EIF4ENIF1: variants seen among roughly 807,000 people sequenced by gnomAD.
The protein encoded by EIF4ENIF1 is eukaryotic translation initiation factor 4E transporter.
A neutral mutation model predicts 110.5 loss-of-function variants in EIF4ENIF1; 23 were observed. The ratio of observed to expected loss-of-function variants is 0.21; its 90% CI spans 0.15 to 0.29. The LOEUF (loss-of-function observed/expected upper bound fraction) is 0.29. Ranked by LOEUF, EIF4ENIF1 falls within the 10% of genes least tolerant of loss-of-function variation. The probability of loss-of-function intolerance (pLI) is 1.00; values close to 1 mark genes in which losing one functional copy is unlikely to be tolerated. For synonymous variants in EIF4ENIF1, 440 were observed against 437.0 expected (o/e 1.01, Z -0.09); for missense variants, 1,031 against 1,221.1 (o/e 0.84, Z 2.32).
At chr22:31,479,024 C>T (rs888416177) in intron 2 of EIF4ENIF1, among the ~76,000 whole-genome samples, 3 of 140,886 alleles carry the variant, frequency 2.1e-5, no homozygotes, top group Admixed American at 7.2e-5. Flanking sequence ...AGTTTAGTGC[C>T]ACACATAGAC....
chr22:31,444,483 T>A, intron 15 of EIF4ENIF1, 123 bp downstream of exon 15: 1 of 904,412 alleles, frequency 1.1e-6, no homozygotes, highest in Non-Finnish European at 1.8e-6. Flanking sequence ...TATGAAAAAC[T>A]ACTAGGTCAG....
At chr22:31,464,454 T>C (rs2051103448) in intron 4 of EIF4ENIF1, among the ~76,000 whole-genome samples, 1 of 151,130 alleles carries the variant, frequency 6.6e-6, no homozygotes, top group African/African-American at 2.4e-5. Flanking sequence ...TCAAGGCAGG[T>C]GGATCACGAG....
At chr22:31,490,552 ATGT>A (rs1201594851), upstream of EIF4ENIF1, among the ~76,000 whole-genome samples, 5 of 152,270 alleles carry the variant, frequency 3.3e-5, no homozygotes, top group African/African-American at 1.2e-4. Flanking sequence ...ATTCATTGAA[ATGT>A]TGTTTCCCTC....
At chr22:31,492,225 C>G (rs1214638461), upstream of EIF4ENIF1, among the ~76,000 whole-genome samples, 17 of 152,334 alleles carry the variant, frequency 1.1e-4, 2 homozygotes, top group East Asian at 2.1e-3. Context: ...GCTGTATTGC[C>G]TTTCCTAACC....
intron 2 of EIF4ENIF1, chr22:31,479,429 G>A (rs1601644730): frequency 6.6e-6 from 1 of 152,110 alleles, no homozygotes; most frequent in East Asian, 1.9e-4. Flanking sequence ...CTTGCGCAGG[G>A]GCCATGCTAA....
At chr22:31,492,242 T>TG (rs781331031), upstream of EIF4ENIF1, among the ~76,000 whole-genome samples, 202 of 152,318 alleles carry the variant, frequency 1.3e-3, no homozygotes, top group Middle Eastern at 3.4e-3. Context: ...AACCTAGCCC[T>TG]GGAATCAGTT....
chr22:31,446,684 G>A (rs948773963), intron 14 of EIF4ENIF1, among the ~76,000 whole-genome samples: 23 of 152,202 alleles, frequency 1.5e-4, no homozygotes, highest in Non-Finnish European at 2.6e-4. Context: ...GAGTTCTGAG[G>A]AGGAAAAGGG....
chr22:31,468,439 G>A (rs1037313027), intron 3 of EIF4ENIF1, 137 bp from the exon 4 acceptor site: 6 of 1,250,148 alleles, frequency 4.8e-6, no homozygotes, highest in Non-Finnish European at 6.6e-6. Context: ...CTGTCGCCCA[G>A]GATGGAGCGC....
In EIF4ENIF1 at chr22:31,444,603, G is replaced by T; in HGVS notation, c.2073+3C>A. On this transcript the variant is annotated splice_donor_region_variant and intron_variant, in intron 15 of 18. Coordinates refer to ENST00000330125, the MANE Select transcript of EIF4ENIF1 (RefSeq NM_019843.4). ...TCCTTCACAGTTACTAAAGGTCACT[G>T]ACCATGCTTGTGATGGAGGCAGCAG... 1 of 1,613,838 alleles carries T rather than the reference G, an allele frequency of 6.2e-7. No homozygotes were observed. The highest frequency in any genetic ancestry group is 1.1e-5 in the South Asian group (1 of 91,034).
intron 2 of EIF4ENIF1, among the ~76,000 whole-genome samples, chr22:31,474,443 G>C (rs2051498430): frequency 6.6e-6 from 1 of 151,634 alleles, no homozygotes; most frequent in Admixed American, 6.6e-5. Flanking sequence ...TTTGCCAGTG[G>C]GTGCCTCTTC....
intron 8 of EIF4ENIF1, 28 bp from the exon 9 acceptor site, chr22:31,455,343 A>C: frequency 6.7e-7 from 1 of 1,486,966 alleles, no homozygotes; most frequent in Non-Finnish European, 9.0e-7. Context: ...CATACTCAAA[A>C]TTAATCTGTT....
In EIF4ENIF1 at chr22:31,439,956, G is replaced by A; in HGVS notation, c.2882C>T (p.Ser961Leu). 1 of 1,614,140 alleles carries A rather than the reference G, an allele frequency of 6.2e-7. No homozygotes were observed. Among genetic ancestry groups the A allele is most frequent in the Non-Finnish European group, 8.5e-7 (1 of 1,180,012 alleles). Residue 961 changes from serine to leucine, a missense_variant, in exon 19 of 19, where the codon TCA becomes TTA. Physicochemically the swap from Ser to Leu is moderately radical, Grantham distance 145. Coordinates refer to ENST00000330125, the MANE Select transcript of EIF4ENIF1 (RefSeq NM_019843.4). ...SPVGLAKWFG[S>L]DVLQQPLPSM... The stretch of plus-strand genomic sequence containing the variant: ...GGGCAGGGGTTGCTGTAGCACATCT[G>A]AGCCAAACCATTTGGCAAGGCCCAC...
chr22:31,453,978 A>G (rs2050747029), intron 10 of EIF4ENIF1, among the ~76,000 whole-genome samples, 166 bp downstream of exon 10: 1 of 152,222 alleles, frequency 6.6e-6, no homozygotes, highest in Non-Finnish European at 1.5e-5. Context: ...TCCAGTAACA[A>G]ATAGCATATC....
chr22:31,445,917 C>G (rs2050449528), intron 14 of EIF4ENIF1, among the ~76,000 whole-genome samples: 1 of 150,678 alleles, frequency 6.6e-6, no homozygotes, highest in African/African-American at 2.4e-5. Context: ...GTTTTAAAAA[C>G]CTGTTTTCTG....
intron 9 of EIF4ENIF1, 143 bp downstream of exon 9, chr22:31,454,993 G>A (rs2050772781): frequency 1.6e-6 from 1 of 642,892 alleles, no homozygotes; most frequent in African/African-American, 1.9e-5. Flanking sequence ...TTGATGAAAT[G>A]AGTTTTTAAA....
At chr22:31,441,548 AG>A (rs1339524866) in intron 17 of EIF4ENIF1, among the ~76,000 whole-genome samples, 122 of 137,150 alleles carry the variant, frequency 8.9e-4, no homozygotes, top group African/African-American at 3.3e-3. Context: ...CTCTACAAAA[AG>A]GAAAAAAAAA....
rs1325263791 is a variant in EIF4ENIF1, at chr22:31,458,565, C to T, written c.873G>A (p.Val291=). 2.5e-6 allele frequency: 4 copies of T among 1,613,788 alleles called. No homozygotes were observed. The African/African-American group carries it at 4.0e-5, about 16-fold the overall frequency. ...GCTCAGGCAAGACAGCATCCCTTGG[C>T]ACTTCCTGATCAGCCGCAGGCTCCT... The part of the protein sequence containing the change: ...LAQEPAADQE[V]PRDAVLPEQS... The change falls in exon 7 of 19, where the codon GTG becomes GTA. Residue 291 remains valine, a synonymous_variant. Coordinates refer to ENST00000330125, the MANE Select transcript of EIF4ENIF1 (RefSeq NM_019843.4).
chr22:31,444,615 G>A lies in EIF4ENIF1; in HGVS notation c.2064C>T (p.Ile688=). The change falls in exon 15 of 19, where the codon ATC becomes ATT. Residue 688 remains isoleucine, a synonymous_variant. Transcript: ENST00000330125. ...NSSSPAPAAS[I]TSMLSPSFTP... is the part of the protein sequence containing the mutation. ...ACTAAAGGTCACTGACCATGCTTGT[G>A]ATGGAGGCAGCAGGGGCAGGGGAAG... 1 of 1,614,074 alleles carries A rather than the reference G, an allele frequency of 6.2e-7. No individual in the cohort carries two copies. The highest frequency in any genetic ancestry group is 8.5e-7 in the Non-Finnish European group (1 of 1,179,966).
intron 2 of EIF4ENIF1, among the ~76,000 whole-genome samples, chr22:31,478,949 CAAAAAAAA>C (rs377466384): frequency 2.2e-5 from 2 of 89,246 alleles, no homozygotes; most frequent in African/African-American, 4.6e-5. Context: ...GAGACTGTTT[CAAAAAAAA>C]AAAAAAAAAA....
Sources: allele counts gnomAD v4.1 joint callset (sites outside exome capture counted in the v4.1 genomes callset), GRCh38; gene constraint gnomAD v4.1.1; transcripts MANE v1.5; gene names NCBI Gene and HGNC (gene_info 2026-07-23, HGNC 2026-07-21).